The following LHX5 variants were observed in gnomAD, a reference collection of about 807,000 sequenced individuals.
The protein encoded by LHX5 is LIM homeobox 5, also known as LIM/homeobox protein Lhx5.
In LHX5, 5 loss-of-function variants were observed where a neutral mutation model predicts 30.6. The observed-to-expected ratio is 0.16, with a 90% CI of 0.09 to 0.34. The LOEUF is 0.34. Ranked by LOEUF, LHX5 falls within the 10% of genes least tolerant of loss-of-function variation. LHX5 has a pLI of 1.00. For synonymous variants in LHX5, 266 were observed against 252.6 expected (o/e 1.05, Z -0.50); for missense variants, 458 against 570.6 (o/e 0.80, Z 2.01).
At chr12:113,471,209 A>T in intron 1 of LHX5, 117 bp downstream of exon 1, 3 of 1,097,058 alleles carry the variant, frequency 2.7e-6, no homozygotes, top group Non-Finnish European at 4.0e-6. Context: ...CCCGCTCCCC[A>T]TCTAAGCTTG....
At chr12:113,469,020 C>T in intron 2 of LHX5, 102 bp downstream of exon 2, 1 of 872,558 alleles carries the variant, frequency 1.1e-6, no homozygotes, top group Non-Finnish European at 1.8e-6. Flanking sequence ...GAGCTCCAAG[C>T]TCAGCACAGA....
At chr12:113,468,628 TC>T (rs1319759685) in intron 2 of LHX5, among the ~76,000 whole-genome samples, 1 of 152,130 alleles carries the variant, frequency 6.6e-6, no homozygotes. Context: ...TCTTAAGCCC[TC>T]TCCGCGCGTC....
rs1565888078 is a variant in LHX5 at position 113,471,458 on chromosome 12, TCGAG to T, written c.37_40del (p.Leu13ThrfsTer5). The T allele has an allele frequency of 6.2e-7, 1 of 1,611,526 alleles. No homozygotes were observed. Among genetic ancestry groups the T allele is most frequent in the East Asian group, 2.2e-5 (1 of 44,794 alleles). On this transcript the variant is annotated frameshift_variant, in exon 1 of 5. Coordinates refer to ENST00000261731, the MANE Select transcript of LHX5 (RefSeq NM_022363.3). LOFTEE classifies it high-confidence loss of function. ...GTCCAGCACGTTCAGCAGAAAGCGGTCGAGGATGGGCCGCTCGCAACCGGCGCAG... is the reference window on the plus strand; with the variant it reads ...GTCCAGCACGTTCAGCAGAAAGCGGTGATGGGCCGCTCGCAACCGGCGCAG...
chr12:113,469,649 C>A lies in LHX5; in HGVS notation c.174-304G>T, dbSNP rs541201226. ...GCCCAGAGCACCCCAAGATGTCCTC[C>A]CCCAAACCCAACCCCTGCCAGGCCT... On this transcript the variant is annotated intron_variant, in intron 1 of 4. Coordinates refer to ENST00000261731, the MANE Select transcript of LHX5 (RefSeq NM_022363.3). Among the ~76,000 whole-genome samples the A allele has an allele frequency of 2.6e-5, 4 of 152,314 alleles. No individual in the cohort carries two copies. The East Asian group carries it at 7.7e-4, about 29-fold the overall frequency.
At position 113,466,282 on chromosome 12, in the gene LHX5, G is replaced by C. The variant is rs904132579; in HGVS notation, c.841+974C>G. Among the ~76,000 whole-genome samples, 3 of 152,200 alleles carry C rather than the reference G, an allele frequency of 2.0e-5. No homozygotes were observed. The highest frequency in any genetic ancestry group is 2.9e-5 in the Non-Finnish European group (2 of 68,044). ...GTGCTTTCTTGAGCCCTCAGCCCTG[G>C]GAAGAACAGGACAGTGAGCTTGGTG... On this transcript the variant is annotated intron_variant, in intron 4 of 4. Coordinates refer to ENST00000261731, the MANE Select transcript of LHX5 (RefSeq NM_022363.3). The surrounding 1 kb of genome is among the most constrained non-coding windows in gnomAD (Gnocchi z 6.5).
In LHX5 at chr12:113,465,836, G is replaced by A. The variant is rs1958211807; in HGVS notation, c.841+1420C>T. ...ACTCCGGAAGACACGCCCACCATCCGGGCTCTCCAGGGTTGGGGGTCTGTC... is the reference window on the plus strand; with the variant it reads ...ACTCCGGAAGACACGCCCACCATCCAGGCTCTCCAGGGTTGGGGGTCTGTC... On this transcript the variant is annotated intron_variant, in intron 4 of 4. Coordinates refer to ENST00000261731, the MANE Select transcript of LHX5 (RefSeq NM_022363.3). This position sits in a 1 kb window ranked among gnomAD's most constrained non-coding sequence, Gnocchi z 6.7. 6.6e-6 allele frequency among the ~76,000 whole-genome samples: 1 copy of A among 152,052 alleles called. No individual in the cohort carries two copies. The highest frequency in any genetic ancestry group is 1.5e-5 in the Non-Finnish European group (1 of 67,982).
Position 113,471,680 on chromosome 12 carries a change from G to A in LHX5, c.-182C>T. The A allele has an allele frequency of 1.7e-6, 1 of 589,116 alleles. No homozygotes were observed. The highest frequency in any genetic ancestry group is 2.8e-6 in the Non-Finnish European group (1 of 351,188). The allele number at this position is 589,116 out of a possible 1,614,324, so 36.5% of individuals were successfully genotyped here. A position where few individuals can be genotyped will look rare whatever the true frequency, so the allele number is the denominator to read the frequency against. On this transcript the variant is annotated 5_prime_UTR_variant, in exon 1 of 5. Coordinates refer to ENST00000261731, the MANE Select transcript of LHX5 (RefSeq NM_022363.3). ...TCTCTGGCCTGGCGCTGGGCTGCCC[G>A]GAGTGGGGTGGTGGGGGGCGGGTGG...
intron 1 of LHX5, among the ~76,000 whole-genome samples, chr12:113,470,150 G>A (rs554341992): frequency 6.6e-6 from 1 of 152,164 alleles, no homozygotes; most frequent in African/African-American, 2.4e-5. Flanking sequence ...TTTCTTCTTT[G>A]AGCTCAGGGA....
rs1477346729 is a variant in LHX5 at position 113,465,922 on chromosome 12, C to T, written c.841+1334G>A. ...CCAGGGTTGGGCGGCTGGGGCGCTC[C>T]AGCCTGAGCCCTGCCACTGCCTGGG... On this transcript the variant is annotated intron_variant, in intron 4 of 4. Transcript: ENST00000261731. The surrounding 1 kb of genome is among the most constrained non-coding windows in gnomAD (Gnocchi z 6.7). Among the ~76,000 whole-genome samples the T allele has an allele frequency of 6.6e-6, 1 of 152,138 alleles. No individual in the cohort carries two copies. The highest frequency in any genetic ancestry group is 1.5e-5 in the Non-Finnish European group (1 of 68,006).
Position 113,467,250 on chromosome 12 carries a change from C to T in LHX5, c.841+6G>A, listed in dbSNP as rs1352849080. 1 of 1,450,426 alleles carries T rather than the reference C, an allele frequency of 6.9e-7. No individual in the cohort carries two copies. Among genetic ancestry groups the T allele is most frequent in the Admixed American group, 2.6e-5 (1 of 38,728 alleles). The allele number at this position is 1,450,426 out of a possible 1,614,324, so 89.8% of individuals were successfully genotyped here. ...GCGGAACAGCGAATCCCGGGGCGCC[C>T]CTTACCTCCGTAGTAGGTGTACGGG... On this transcript the variant is annotated splice_donor_region_variant and intron_variant, in intron 4 of 4. Transcript: ENST00000261731. The surrounding 1 kb of genome is among the most constrained non-coding windows in gnomAD (Gnocchi z 6.3).
In LHX5 at chr12:113,463,295, T is replaced by A; in HGVS notation, c.1104A>T (p.Val368=). The change falls in exon 5 of 5, where the codon GTA becomes GTT. Residue 368 remains valine, a synonymous_variant. Transcript: ENST00000261731. The surrounding 1 kb of genome is among the most constrained non-coding windows in gnomAD (Gnocchi z 6.7). ...AGGGCGGGCTGGGCCCGCCGCTGAA[T>A]ACCTCGCCGGGCATGGGGTGCAGCG... ...PGTLHPMPGE[V]FSGGPSPPFP... is the part of the protein sequence containing the mutation. The A allele has an allele frequency of 6.5e-7, 1 of 1,529,442 alleles. No homozygotes were observed. Among genetic ancestry groups the A allele is most frequent in the Non-Finnish European group, 8.8e-7 (1 of 1,141,202 alleles). 94.7% of individuals were successfully genotyped at this position (1,529,442 alleles called of 1,614,324 possible).
chr12:113,468,289 G>C lies in LHX5; in HGVS notation c.513C>G (p.Asn171Lys), dbSNP rs1172406015. Residue 171 changes from asparagine (N) to lysine (K), a missense_variant, in exon 3 of 5, where the codon AAC (asparagine) becomes AAG (lysine). Asn to Lys is a moderately conservative substitution (Grantham distance 94). Coordinates refer to ENST00000261731, the MANE Select transcript of LHX5 (RefSeq NM_022363.3). ...GCTTGGTGCCCGAGTTCTGCTCCTC[G>C]TTCTCGTTGTTGGCCGTCTCCTTGT... ...SSDKETANNE[N>K]EEQNSGTKRR... The C allele has an allele frequency of 2.5e-6, 4 of 1,614,146 alleles. No individual in the cohort carries two copies. Among genetic ancestry groups the C allele is most frequent in the Non-Finnish European group, 3.4e-6 (4 of 1,179,974 alleles).
rs374740963 is a variant in LHX5 at position 113,471,229 on chromosome 12, G to A, written c.173+97C>T. 1.8e-4 allele frequency: 227 copies of A among 1,280,108 alleles called. No homozygotes were observed. In the African/African-American group the frequency reaches 3.0e-3, roughly 17 times the overall value. 79.3% of individuals were successfully genotyped at this position (1,280,108 alleles called of 1,614,324 possible). On this transcript the variant is annotated intron_variant, in intron 1 of 4. Transcript: ENST00000261731. ...TCCCCATCTAAGCTTGTGATCCGGG[G>A]AGGCTGGGATGGGGATGGGGGTATC... is the stretch of plus-strand genomic sequence containing the variant.
rs1257436771 is a variant in LHX5, at chr12:113,464,638, C to T, written c.842-1081G>A. Among the ~76,000 whole-genome samples the T allele has an allele frequency of 6.6e-6, 1 of 152,176 alleles. No individual in the cohort carries two copies. The highest frequency in any genetic ancestry group is 6.5e-5 in the Admixed American group (1 of 15,282). Reference sequence around the variant, plus strand: ...GGTCATGGCCAGAGCTCCGCGGGCTCCTTGGGGTAGAAGCTCGGTCCTCCA... The same window carrying T: ...GGTCATGGCCAGAGCTCCGCGGGCTTCTTGGGGTAGAAGCTCGGTCCTCCA... On this transcript the variant is annotated intron_variant, in intron 4 of 4. Transcript: ENST00000261731. This position sits in a 1 kb window ranked among gnomAD's most constrained non-coding sequence, Gnocchi z 6.2.
chr12:113,469,740 G>C (rs1458694582), intron 1 of LHX5, among the ~76,000 whole-genome samples: 1 of 152,250 alleles, frequency 6.6e-6, no homozygotes. Flanking sequence ...GAGGGTTTGG[G>C]CCACTTGGTG....
Position 113,466,049 on chromosome 12 carries a change from G to A in LHX5, c.841+1207C>T, listed in dbSNP as rs1236443075. 6.6e-6 allele frequency among the ~76,000 whole-genome samples: 1 copy of A among 152,240 alleles called. No homozygotes were observed. Among genetic ancestry groups the A allele is most frequent in the Admixed American group, 6.5e-5 (1 of 15,284 alleles). On this transcript the variant is annotated intron_variant, in intron 4 of 4. Coordinates refer to ENST00000261731, the MANE Select transcript of LHX5 (RefSeq NM_022363.3). The surrounding 1 kb of genome is among the most constrained non-coding windows in gnomAD (Gnocchi z 6.5). ...CCCCCCTCAGGCTTCCGGATGTGCT[G>A]AGGTTAGTGATGGGGTTATCTTCCC...
At chr12:113,469,402 C>T (rs1958233392) in intron 1 of LHX5, 57 bp from the exon 2 acceptor site, 1 of 1,510,118 alleles carries the variant, frequency 6.6e-7, no homozygotes, top group Non-Finnish European at 9.0e-7. Context: ...CCCTCCCCAG[C>T]CCCTGACCTC....
rs1262009680 is a variant in LHX5 at position 113,465,495 on chromosome 12, C to A, written c.841+1761G>T. On this transcript the variant is annotated intron_variant, in intron 4 of 4. Transcript: ENST00000261731. The surrounding 1 kb of genome is among the most constrained non-coding windows in gnomAD (Gnocchi z 6.7). ...CCCGCCGCCCGGCCCCTTTCTCGCCCGCTGCCGGTCGCCACCGCCGGGATC... is the reference window on the plus strand; with the variant it reads ...CCCGCCGCCCGGCCCCTTTCTCGCCAGCTGCCGGTCGCCACCGCCGGGATC... Among the ~76,000 whole-genome samples the A allele has an allele frequency of 2.6e-5, 4 of 152,238 alleles. No homozygotes were observed. The highest frequency in any genetic ancestry group is 5.9e-5 in the Non-Finnish European group (4 of 68,038).
chr12:113,466,164 C>G lies in LHX5; in HGVS notation c.841+1092G>C, dbSNP rs1226917888. Among the ~76,000 whole-genome samples the G allele has an allele frequency of 6.6e-6, 1 of 152,142 alleles. No homozygotes were observed. Among genetic ancestry groups the G allele is most frequent in the Non-Finnish European group, 1.5e-5 (1 of 68,012 alleles). On this transcript the variant is annotated intron_variant, in intron 4 of 4. Transcript: ENST00000261731. The surrounding 1 kb of genome is among the most constrained non-coding windows in gnomAD (Gnocchi z 6.5). ...TCTAAGAGAAATTGCCTCTTCCTAA[C>G]CTGCGTTACAACTCAGAAGTGCAGA...
Sources: gnomAD v4.1 joint callset for allele counts (sites outside exome capture counted in the v4.1 genomes callset) on GRCh38, gnomAD v4.1.1 for gene constraint, Gnocchi (gnomAD v3.1) non-coding constraint, MANE v1.5 for transcripts, NCBI Gene and HGNC (gene_info 2026-07-23, HGNC 2026-07-21) for gene names.